The following EFCAB13 variants were observed in gnomAD, a reference collection of about 807,000 sequenced individuals.
The protein encoded by EFCAB13 is EF-hand calcium-binding domain-containing protein 13.
Under a neutral mutation model 110.2 loss-of-function variants are expected in EFCAB13, and 91 were observed. That is an observed-to-expected ratio of 0.83 (90% CI 0.70 to 0.98). The LOEUF is 0.98. EFCAB13 is among the 50% of genes least tolerant of loss of function. The pLI is 0.00. For missense variants in EFCAB13, 968 were observed against 1,119.4 expected (o/e 0.86, Z 1.93); for synonymous variants, 323 against 369.9 (o/e 0.87, Z 1.45).
At chr17:47,411,724 A>C (rs998134140) in intron 21 of EFCAB13, among the ~76,000 whole-genome samples, 2 of 152,184 alleles carry the variant, frequency 1.3e-5, no homozygotes, top group African/African-American at 4.8e-5. Flanking sequence ...GTGTAATGCA[A>C]CAATTTTCAG....
chr17:47,432,137 C>T (rs1216486132), intron 24 of EFCAB13, among the ~76,000 whole-genome samples: 1 of 152,062 alleles, frequency 6.6e-6, no homozygotes, highest in Non-Finnish European at 1.5e-5. Flanking sequence ...TGCGGTGGCT[C>T]ATGCCTGTAA....
intron 24 of EFCAB13, among the ~76,000 whole-genome samples, chr17:47,439,057 G>A (rs1430604526): frequency 6.6e-6 from 1 of 151,866 alleles, no homozygotes; most frequent in East Asian, 1.9e-4. Context: ...ACACAGCAAG[G>A]GGACTCTCTT....
At chr17:47,346,406 T>C (rs1474083296) in intron 8 of EFCAB13, among the ~76,000 whole-genome samples, 1 of 150,928 alleles carries the variant, frequency 6.6e-6, no homozygotes, top group South Asian at 2.1e-4. Context: ...CTGATTGATA[T>C]TCTGTCATAT....
At chr17:47,381,334 C>T (rs1325422119) in intron 14 of EFCAB13, among the ~76,000 whole-genome samples, 1 of 151,908 alleles carries the variant, frequency 6.6e-6, no homozygotes, top group Non-Finnish European at 1.5e-5. Flanking sequence ...GTTTCTTTTG[C>T]GTGCAGAAGT....
chr17:47,432,120 G>A (rs1905126044), intron 24 of EFCAB13, among the ~76,000 whole-genome samples: 1 of 152,040 alleles, frequency 6.6e-6, no homozygotes, highest in African/African-American at 2.4e-5. Flanking sequence ...GCTCAGTGTG[G>A]GCCAGGTGCG....
intron 15 of EFCAB13, among the ~76,000 whole-genome samples, chr17:47,391,910 GA>G (rs1266505420): frequency 1.3e-5 from 2 of 151,940 alleles, no homozygotes; most frequent in Admixed American, 6.6e-5. Flanking sequence ...TAGAAGTCAG[GA>G]CAAAAGGCAT....
At chr17:47,366,892 A>G (rs1258056443) in intron 10 of EFCAB13, among the ~76,000 whole-genome samples, 1 of 152,238 alleles carries the variant, frequency 6.6e-6, no homozygotes, top group Non-Finnish European at 1.5e-5. Flanking sequence ...ACTTCTGTTC[A>G]GAGAAAGGAG....
chr17:47,374,425 G>A (rs759733171), intron 11 of EFCAB13, 47 bp from the exon 12 acceptor site: 1 of 1,359,946 alleles, frequency 7.4e-7, no homozygotes, highest in Non-Finnish European at 9.8e-7. Flanking sequence ...GAAATGTATT[G>A]CAAATTATAC....
At chr17:47,333,750 T>G (rs1311320935) in intron 4 of EFCAB13, among the ~76,000 whole-genome samples, 1 of 152,222 alleles carries the variant, frequency 6.6e-6, no homozygotes, top group Non-Finnish European at 1.5e-5. Context: ...TGTAAATATT[T>G]GGAAAATTTC....
At chr17:47,393,564 GA>G (rs1256120147) in intron 15 of EFCAB13, among the ~76,000 whole-genome samples, 1 of 151,852 alleles carries the variant, frequency 6.6e-6, no homozygotes, top group South Asian at 2.1e-4. Flanking sequence ...CTAAAAATAT[GA>G]AAATTAACTG....
chr17:47,439,224 T>C (rs1006274398), intron 24 of EFCAB13, among the ~76,000 whole-genome samples: 12 of 139,032 alleles, frequency 8.6e-5, no homozygotes, highest in African/African-American at 3.2e-4. Context: ...TCGCTCAGGC[T>C]GGAGTGCAGT....
intron 10 of EFCAB13, among the ~76,000 whole-genome samples, chr17:47,368,217 G>A (rs1457933693): frequency 6.6e-6 from 1 of 152,128 alleles, no homozygotes; most frequent in Non-Finnish European, 1.5e-5. Flanking sequence ...AAATTATTTT[G>A]GAAGAGAAGA....
intron 20 of EFCAB13, among the ~76,000 whole-genome samples, chr17:47,406,239 A>T (rs974557563): frequency 1.3e-5 from 2 of 152,006 alleles, no homozygotes; most frequent in African/African-American, 4.8e-5. Context: ...CAGCCTCTTG[A>T]GTAGCTGGGA....
chr17:47,367,990 A>G (rs2065558068), intron 10 of EFCAB13, among the ~76,000 whole-genome samples: 1 of 152,116 alleles, frequency 6.6e-6, no homozygotes, highest in Admixed American at 6.5e-5. Context: ...CCCATAAGAC[A>G]CTTTTTCAGA....
chr17:47,391,920 A>G (rs760546351), intron 15 of EFCAB13, among the ~76,000 whole-genome samples: 4 of 152,184 alleles, frequency 2.6e-5, no homozygotes, highest in Non-Finnish European at 5.9e-5. Context: ...GACAAAAGGC[A>G]TTAAATTGGG....
chr17:47,355,348 A>G (rs2065474290), intron 9 of EFCAB13, among the ~76,000 whole-genome samples: 1 of 152,266 alleles, frequency 6.6e-6, no homozygotes, highest in Middle Eastern at 3.4e-3. Flanking sequence ...CCTGATGACT[A>G]TGTGCCAAGG....
intron 23 of EFCAB13, 125 bp from the exon 24 acceptor site, chr17:47,429,693 A>C: frequency 1.6e-6 from 2 of 1,230,486 alleles, no homozygotes; most frequent in African/African-American, 3.0e-5. Flanking sequence ...CTATACAAAT[A>C]GTTCCATGTA....
intron 5 of EFCAB13, among the ~76,000 whole-genome samples, chr17:47,338,019 G>A (rs1009374009): frequency 2.6e-5 from 4 of 152,106 alleles, no homozygotes; most frequent in Non-Finnish European, 5.9e-5. Flanking sequence ...ATAATTTAAA[G>A]AGGTCTTGCA....
intron 23 of EFCAB13, among the ~76,000 whole-genome samples, chr17:47,419,226 A>G (rs938881311): frequency 6.6e-6 from 1 of 152,222 alleles, no homozygotes; most frequent in Non-Finnish European, 1.5e-5. Context: ...AATGGCTGAA[A>G]ACCAACTACA....
Sources: allele counts gnomAD v4.1 joint callset (sites outside exome capture counted in the v4.1 genomes callset), GRCh38; gene constraint gnomAD v4.1.1; transcripts MANE v1.5; gene names NCBI Gene and HGNC (gene_info 2026-07-23, HGNC 2026-07-21).